KIAA0825: variants seen among roughly 807,000 people sequenced by gnomAD.
The protein encoded by KIAA0825 is uncharacterized protein KIAA0825.
A neutral mutation model predicts 147.6 loss-of-function variants in KIAA0825; 119 were observed. That is an observed-to-expected ratio of 0.81 (90% CI 0.69 to 0.94). The LOEUF (loss-of-function observed/expected upper bound fraction) is 0.94. KIAA0825 is among the 40% of genes least tolerant of loss of function. KIAA0825 has a pLI of 0.00. For missense variants in KIAA0825, 1,381 were observed against 1,472.7 expected (o/e 0.94, Z 1.02); for synonymous variants, 470 against 518.1 (o/e 0.91, Z 1.26).
chr5:94,206,052 C>T (rs1223033368), intron 20 of KIAA0825, among the ~76,000 whole-genome samples: 2 of 151,974 alleles, frequency 1.3e-5, no homozygotes, highest in East Asian at 1.9e-4. Context: ...TTCTCTCTGC[C>T]GCATCTATCA....
At chr5:94,186,644 C>T (rs1770143714) in intron 20 of KIAA0825, among the ~76,000 whole-genome samples, 1 of 152,200 alleles carries the variant, frequency 6.6e-6, no homozygotes, top group Admixed American at 6.5e-5. Context: ...GATCTGGTCT[C>T]TGCCTTTAGG....
At chr5:94,522,561 C>A (rs1319335580) in intron 4 of KIAA0825, among the ~76,000 whole-genome samples, 2 of 151,568 alleles carry the variant, frequency 1.3e-5, no homozygotes, top group African/African-American at 4.8e-5. Flanking sequence ...ATGAGGACCT[C>A]TGTTTCTTAT....
At chr5:94,279,183 A>G (rs1016629001) in intron 20 of KIAA0825, among the ~76,000 whole-genome samples, 4 of 152,126 alleles carry the variant, frequency 2.6e-5, no homozygotes, top group African/African-American at 7.2e-5. Flanking sequence ...AGTCCTATTT[A>G]TACATTATGT....
At chr5:94,237,379 G>A (rs1009221432) in intron 20 of KIAA0825, among the ~76,000 whole-genome samples, 1 of 152,154 alleles carries the variant, frequency 6.6e-6, no homozygotes, top group Non-Finnish European at 1.5e-5. Context: ...CTCTTGGGAT[G>A]TCATACGTTG....
At chr5:94,237,804 A>G (rs1775137770) in intron 20 of KIAA0825, among the ~76,000 whole-genome samples, 1 of 152,204 alleles carries the variant, frequency 6.6e-6, no homozygotes, top group African/African-American at 2.4e-5. Context: ...GCAAAACAGA[A>G]TAAACTAGAG....
intron 20 of KIAA0825, among the ~76,000 whole-genome samples, chr5:94,216,822 T>C (rs889967399): frequency 2.6e-5 from 4 of 152,206 alleles, no homozygotes; most frequent in Admixed American, 1.3e-4. Flanking sequence ...TATTTGGTGA[T>C]AGTTTAGGAG....
intron 20 of KIAA0825, among the ~76,000 whole-genome samples, chr5:94,299,788 G>A (rs1053555465): frequency 6.6e-6 from 1 of 152,152 alleles, no homozygotes; most frequent in African/African-American, 2.4e-5. Context: ...GGAACAGGGT[G>A]TCGGCATTCA....
chr5:94,550,648 C>G (rs1456624023), intron 2 of KIAA0825, among the ~76,000 whole-genome samples: 1 of 152,132 alleles, frequency 6.6e-6, no homozygotes, highest in Non-Finnish European at 1.5e-5. Flanking sequence ...CGAGGCCATC[C>G]TGGCTAACAC....
At chr5:94,176,346 C>G (rs764722661) in intron 20 of KIAA0825, among the ~76,000 whole-genome samples, 1 of 152,144 alleles carries the variant, frequency 6.6e-6, no homozygotes, top group African/African-American at 2.4e-5. Context: ...CTGGATGTAG[C>G]TGCCCAATCT....
In KIAA0825 at chr5:94,520,629, G is replaced by T. The variant is rs753023728; in HGVS notation, c.589C>A (p.Gln197Lys). 4 of 1,613,376 alleles carry T rather than the reference G, an allele frequency of 2.5e-6. No homozygotes were observed. The East Asian group carries it at 6.7e-5, about 27-fold the overall frequency. The change falls in exon 5 of 21, where the codon CAA (glutamine) becomes AAA (lysine). Residue 197 changes from glutamine to lysine, a missense_variant. Transcript: ENST00000682413. ...QKILLKKQCL[Q>K]QLLFLYPESE... is the part of the protein sequence containing the mutation. ...TCTGGATAAAGAAACAAGAGTTGTT[G>T]TAAGCACTGCTTTTTCAATAAAATT...
At chr5:94,603,079 G>A (rs112151209) in intron 1 of KIAA0825, among the ~76,000 whole-genome samples, 50 of 152,006 alleles carry the variant, frequency 3.3e-4, no homozygotes, top group East Asian at 1.9e-3. Context: ...TACCTGCCTC[G>A]GCTTCCCAAA....
At chr5:94,427,552 A>G (rs1755051703) in intron 14 of KIAA0825, among the ~76,000 whole-genome samples, 1 of 152,132 alleles carries the variant, frequency 6.6e-6, no homozygotes, top group East Asian at 1.9e-4. Context: ...AAGAATAAAA[A>G]GTACTTTATG....
chr5:94,199,115 C>T (rs768275735), intron 20 of KIAA0825, among the ~76,000 whole-genome samples: 5 of 152,174 alleles, frequency 3.3e-5, no homozygotes, highest in Non-Finnish European at 7.3e-5. Context: ...TAAGAAGACA[C>T]TCTCGCTTTT....
intron 20 of KIAA0825, among the ~76,000 whole-genome samples, chr5:94,162,359 G>C (rs1767665137): frequency 6.6e-6 from 1 of 151,874 alleles, no homozygotes; most frequent in Non-Finnish European, 1.5e-5. Flanking sequence ...GAGTGCAGTG[G>C]CATGATCATA....
chr5:94,351,579 G>GA (rs1392481304), intron 20 of KIAA0825, among the ~76,000 whole-genome samples: 2 of 152,054 alleles, frequency 1.3e-5, no homozygotes, highest in Non-Finnish European at 2.9e-5. Context: ...CACAGAATTA[G>GA]AAAAAACAAT....
intron 17 of KIAA0825, among the ~76,000 whole-genome samples, chr5:94,395,648 G>C (rs1395820037): frequency 6.6e-6 from 1 of 152,080 alleles, no homozygotes; most frequent in African/African-American, 2.4e-5. Flanking sequence ...TACATTACCA[G>C]ATGAAAAATG....
chr5:94,542,771 C>T (rs942105918), intron 2 of KIAA0825, among the ~76,000 whole-genome samples: 1 of 151,906 alleles, frequency 6.6e-6, no homozygotes, highest in Admixed American at 6.6e-5. Flanking sequence ...CGTGTCATTG[C>T]ACTCCAGCCT....
intron 20 of KIAA0825, among the ~76,000 whole-genome samples, chr5:94,164,429 T>G (rs1449354839): frequency 6.6e-6 from 1 of 151,970 alleles, no homozygotes; most frequent in Non-Finnish European, 1.5e-5. Context: ...TTTTTTTTTT[T>G]TAGACAGAGT....
chr5:94,500,442 AT>A (rs1764930207), intron 5 of KIAA0825, among the ~76,000 whole-genome samples: 1 of 152,148 alleles, frequency 6.6e-6, no homozygotes, highest in Non-Finnish European at 1.5e-5. Context: ...AATCTTGGTG[AT>A]TCTTTTGACG....
Sources: gnomAD v4.1 joint callset for allele counts (sites outside exome capture counted in the v4.1 genomes callset) on GRCh38, gnomAD v4.1.1 for gene constraint, MANE v1.5 for transcripts, NCBI Gene and HGNC (gene_info 2026-07-23, HGNC 2026-07-21) for gene names.